POLA1: variants seen among roughly 807,000 people sequenced by gnomAD.
POLA1 encodes DNA polymerase alpha catalytic subunit.
Under a neutral mutation model 124.0 loss-of-function variants are expected in POLA1, and 15 were observed. The observed-to-expected ratio is 0.12, with a 90% CI of 0.08 to 0.19. The LOEUF (loss-of-function observed/expected upper bound fraction) is 0.19. Among genes scored for constraint, POLA1 ranks in the 10% least tolerant of loss-of-function variants. POLA1 has a pLI of 1.00. For missense variants in POLA1, 886 were observed against 1,103.4 expected (o/e 0.80, Z 2.79); for synonymous variants, 408 against 389.4 (o/e 1.05, Z -0.56).
chrX:24,872,222 T>A (rs760021302), intron 34 of POLA1, among the ~76,000 whole-genome samples: 3 of 111,631 alleles, frequency 2.7e-5, no homozygotes, highest in Non-Finnish European at 5.7e-5. Flanking sequence ...ACAAAAAATT[T>A]TAATAAGGTT....
At chrX:24,720,514 A>C (rs1006369582) in intron 10 of POLA1, among the ~76,000 whole-genome samples, 2 of 112,122 alleles carry the variant, frequency 1.8e-5, no homozygotes, top group African/African-American at 6.5e-5. Flanking sequence ...TGCATTTGCT[A>C]CTATTCCTGA....
intron 12 of POLA1, among the ~76,000 whole-genome samples, chrX:24,725,584 A>G (rs1179281321): frequency 8.9e-6 from 1 of 111,945 alleles, no homozygotes; most frequent in Non-Finnish European, 1.9e-5. Context: ...ATTAATTCAT[A>G]TTAGATGATG....
intron 29 of POLA1, 107 bp from the exon 30 acceptor site, chrX:24,814,872 C>T (rs2045965916): frequency 1.4e-6 from 1 of 736,134 alleles, no homozygotes. Context: ...CTAATGTTAA[C>T]CACATGTTAA....
In POLA1 at chrX:24,827,246, G is replaced by A. The variant is rs2046187399; in HGVS notation, c.3736+645G>A. On this transcript the variant is annotated intron_variant, in intron 32 of 36. Coordinates refer to ENST00000379068, the MANE Select transcript of POLA1 (RefSeq NM_001330360.2). The stretch of plus-strand genomic sequence containing the variant: ...CCGTTGCTGTGTCATTATTACTTTT[G>A]TTATCTTTTGCTTAGAAATGTATTT... 2.7e-5 allele frequency among the ~76,000 whole-genome samples: 3 copies of A among 111,762 alleles called. No homozygotes were observed. The South Asian group carries it at 1.1e-3, about 41-fold the overall frequency.
At chrX:24,818,383 G>T (rs889027490) in intron 30 of POLA1, among the ~76,000 whole-genome samples, 1 of 111,521 alleles carries the variant, frequency 9.0e-6, no homozygotes, top group African/African-American at 3.3e-5. Context: ...TTTTTATATT[G>T]TATTGCTTGT....
chrX:24,909,615 A>T (rs1274055013), intron 35 of POLA1, among the ~76,000 whole-genome samples: 1 of 111,299 alleles, frequency 9.0e-6, no homozygotes, highest in African/African-American at 3.3e-5. Context: ...TGGTATCAGT[A>T]CCATGCTGTT....
chrX:24,937,673 C>T (rs1307884116), intron 36 of POLA1, among the ~76,000 whole-genome samples: 1 of 111,770 alleles, frequency 8.9e-6, no homozygotes, highest in African/African-American at 3.3e-5. Context: ...CACGTGGAAG[C>T]TTGTTAGAAA....
intron 32 of POLA1, among the ~76,000 whole-genome samples, chrX:24,831,063 G>A (rs2046253840): frequency 8.9e-6 from 1 of 111,779 alleles, no homozygotes. Context: ...AACCCAGTGT[G>A]TTCTGAGTTA....
At chrX:24,733,238 A>T (rs1304697952) in intron 16 of POLA1, among the ~76,000 whole-genome samples, 1 of 112,186 alleles carries the variant, frequency 8.9e-6, no homozygotes, top group Non-Finnish European at 1.9e-5. Context: ...AACACATGGA[A>T]CAAAATGGTG....
chrX:24,733,085 G>A (rs2148374795), intron 16 of POLA1, among the ~76,000 whole-genome samples: 1 of 112,086 alleles, frequency 8.9e-6, no homozygotes, highest in African/African-American at 3.2e-5. Flanking sequence ...TATTTCCTGG[G>A]ATCTTTTTCA....
intron 35 of POLA1, among the ~76,000 whole-genome samples, chrX:24,905,378 A>G (rs1182045777): frequency 1.1e-5 from 1 of 90,989 alleles, no homozygotes; most frequent in Non-Finnish European, 2.1e-5. Context: ...AACCAGGAAA[A>G]TCCTATAAGA....
At chrX:24,943,001 T>C (rs1414181526) in intron 36 of POLA1, among the ~76,000 whole-genome samples, 1 of 112,571 alleles carries the variant, frequency 8.9e-6, no homozygotes, top group Non-Finnish European at 1.9e-5. Flanking sequence ...CCGCTGTCCT[T>C]GAAGAGTATT....
chrX:24,764,631 C>T (rs1299018751), intron 26 of POLA1, among the ~76,000 whole-genome samples: 1 of 112,043 alleles, frequency 8.9e-6, no homozygotes, highest in East Asian at 2.8e-4. Flanking sequence ...TTTTCATGTC[C>T]TTCAGCAACA....
chrX:24,774,776 A>G (rs2045103170), intron 26 of POLA1, among the ~76,000 whole-genome samples: 1 of 112,712 alleles, frequency 8.9e-6, no homozygotes, highest in South Asian at 3.6e-4. Context: ...TCTTTGCTGA[A>G]TAATTTCTGA....
At chrX:24,730,268 T>C (rs1051732292) in intron 15 of POLA1, among the ~76,000 whole-genome samples, 30 of 110,575 alleles carry the variant, frequency 2.7e-4, no homozygotes, top group African/African-American at 9.2e-4. Context: ...AGATGGAGTC[T>C]TGCTCTGTTG....
chrX:24,699,994 C>T (rs374453677), intron 2 of POLA1, among the ~76,000 whole-genome samples: 11 of 99,565 alleles, frequency 1.1e-4, no homozygotes, highest in East Asian at 6.5e-4. Context: ...TAACTTCTGC[C>T]GTGTTCTGCT....
At chrX:24,933,123 T>C (rs1379838288) in intron 36 of POLA1, among the ~76,000 whole-genome samples, 1 of 111,820 alleles carries the variant, frequency 8.9e-6, no homozygotes, top group Non-Finnish European at 1.9e-5. Context: ...AATTCTGCCG[T>C]GCAGCCAAGT....
chrX:24,905,023 CAAA>C (rs59707195), intron 35 of POLA1, among the ~76,000 whole-genome samples: 2 of 43,951 alleles, frequency 4.6e-5, no homozygotes, highest in Non-Finnish European at 9.5e-5. Flanking sequence ...GACTCTGTCT[CAAA>C]AAAAAAAAAA....
chrX:24,813,060 A>G (rs1042461392), intron 29 of POLA1, among the ~76,000 whole-genome samples, 197 bp downstream of exon 29: 4 of 111,407 alleles, frequency 3.6e-5, no homozygotes, highest in African/African-American at 9.8e-5. Flanking sequence ...GAAAAAGCCA[A>G]ATTTGCTCAG....
Sources: allele counts gnomAD v4.1 joint callset (sites outside exome capture counted in the v4.1 genomes callset), GRCh38; gene constraint gnomAD v4.1.1; transcripts MANE v1.5; gene names NCBI Gene and HGNC (gene_info 2026-07-23, HGNC 2026-07-21).